ST3GAL1: variants seen among roughly 807,000 people sequenced by gnomAD.
The protein encoded by ST3GAL1 is ST3 beta-galactoside alpha-2,3-sialyltransferase 1.
In ST3GAL1, 16 loss-of-function variants were observed where a neutral mutation model predicts 34.1. The observed-to-expected ratio is 0.47, with a 90% confidence interval of 0.32 to 0.71. ST3GAL1 has a LOEUF of 0.71. Ranked by LOEUF, ST3GAL1 falls within the 30% of genes least tolerant of loss-of-function variation. The pLI is 0.04. For synonymous variants in ST3GAL1, 191 were observed against 184.7 expected (o/e 1.03, Z -0.28); for missense variants, 353 against 447.4 (o/e 0.79, Z 1.90).
chr8:133,469,970 A>G lies in ST3GAL1; in HGVS notation c.307-3880T>C, dbSNP rs897002160. On this transcript the variant is annotated intron_variant, in intron 5 of 9. Transcript: ENST00000522652. The surrounding 1 kb of genome is among the most constrained non-coding windows in gnomAD (Gnocchi z 4.3). ...TCCCAGAGTGAGTGCAGGGCCAGGT[A>G]GAGCTCAGATGGGAAACTGGCTCTT... is the stretch of plus-strand genomic sequence containing the variant. Among the ~76,000 whole-genome samples the G allele has an allele frequency of 3.9e-5, 6 of 152,228 alleles. No individual in the cohort carries two copies. Among genetic ancestry groups the G allele is most frequent in the African/African-American group, 1.4e-4 (6 of 41,454 alleles).
chr8:133,547,024 T>C (rs1818693012), intron 1 of ST3GAL1, among the ~76,000 whole-genome samples: 1 of 108,852 alleles, frequency 9.2e-6, no homozygotes, highest in Non-Finnish European at 1.8e-5. Flanking sequence ...AAAAAAAGAC[T>C]TCATCTGACA....
At chr8:133,471,444 T>C (rs1307021014) in intron 5 of ST3GAL1, among the ~76,000 whole-genome samples, 1 of 152,202 alleles carries the variant, frequency 6.6e-6, no homozygotes, top group Admixed American at 6.5e-5. Flanking sequence ...ATGGTTGCCC[T>C]ATGCAGGACC....
At position 133,499,407 on chromosome 8, in the gene ST3GAL1, C is replaced by T. The variant is rs938496030; in HGVS notation, c.-428-218G>A. The T allele has an allele frequency of 2.0e-5, 3 of 152,184 alleles. No homozygotes were observed. The South Asian group carries it at 6.2e-4, about 32-fold the overall frequency. 9.4% of individuals were successfully genotyped at this position (152,184 alleles called of 1,614,324 possible). Reference sequence around the variant, plus strand: ...CCAGGGGACCTACGTGCAGAAGCTTCCTGTCCCAAACTGCAAACAGAAAGC... The same window carrying T: ...CCAGGGGACCTACGTGCAGAAGCTTTCTGTCCCAAACTGCAAACAGAAAGC... On this transcript the variant is annotated intron_variant, in intron 2 of 9. Coordinates refer to ENST00000522652, the MANE Select transcript of ST3GAL1 (RefSeq NM_173344.3).
At chr8:133,528,440 G>A (rs1471397667) in intron 2 of ST3GAL1, among the ~76,000 whole-genome samples, 1 of 152,238 alleles carries the variant, frequency 6.6e-6, no homozygotes, top group Non-Finnish European at 1.5e-5. Context: ...CTGCAGGACA[G>A]TCTGTGCCCT....
chr8:133,479,221 C>T (rs1816291099), intron 3 of ST3GAL1, among the ~76,000 whole-genome samples: 1 of 152,118 alleles, frequency 6.6e-6, no homozygotes, highest in African/African-American at 2.4e-5. Context: ...GGCTGGGGTG[C>T]ATCGTAAAAG....
rs1298263994 is a variant in ST3GAL1 at position 133,469,059 on chromosome 8, T to A, written c.307-2969A>T. Among the ~76,000 whole-genome samples the A allele has an allele frequency of 6.6e-6, 1 of 152,184 alleles. No individual in the cohort carries two copies. The highest frequency in any genetic ancestry group is 2.4e-5 in the African/African-American group (1 of 41,452). On this transcript the variant is annotated intron_variant, in intron 5 of 9. Coordinates refer to ENST00000522652, the MANE Select transcript of ST3GAL1 (RefSeq NM_173344.3). The surrounding 1 kb of genome is among the most constrained non-coding windows in gnomAD (Gnocchi z 4.3). Reference sequence around the variant, plus strand: ...TGACATTTACTGAGTGTCTACTGGGTGCCACAGAGGCCTGAGAAGCCAGGA... The same window carrying A: ...TGACATTTACTGAGTGTCTACTGGGAGCCACAGAGGCCTGAGAAGCCAGGA...
At chr8:133,540,896 C>CATATATATAGAG in intron 2 of ST3GAL1, among the ~76,000 whole-genome samples, 1 of 81,892 alleles carries the variant, frequency 1.2e-5, no homozygotes, top group South Asian at 3.7e-4. Context: ...TATATATAGA[C>CATATATATAGAG]ATATATATAG....
rs760926738 is a variant in ST3GAL1 at position 133,466,088 on chromosome 8, C to A, written c.309G>T (p.Arg103Ser). The A allele has an allele frequency of 6.2e-7, 1 of 1,610,154 alleles. No individual in the cohort carries two copies. Among genetic ancestry groups the A allele is most frequent in the Non-Finnish European group, 8.5e-7 (1 of 1,177,132 alleles). Residue 103 changes from arginine (R) to serine (S), a missense_variant and splice_region_variant, in exon 6 of 10, where the codon AGG becomes AGT. Transcript: ENST00000522652. The surrounding 1 kb of genome is among the most constrained non-coding windows in gnomAD (Gnocchi z 4.4). The stretch of plus-strand genomic sequence containing the variant: ...TATTGGGCTTCTTCTCCCGCTGGAG[C>A]CTCTGTGGGCGGAGGACAGAAGGTG... ...LEDDTYRWWL[R>S]LQREKKPNNL...
At chr8:133,510,102 A>C (rs935570504) in intron 2 of ST3GAL1, among the ~76,000 whole-genome samples, 7 of 150,570 alleles carry the variant, frequency 4.6e-5, no homozygotes, top group Admixed American at 1.3e-4. Context: ...ATGGCTCTTC[A>C]CACTTCTCTC....
rs148384081 is a variant in ST3GAL1 at position 133,537,920 on chromosome 8, T to C, written c.-429+7854A>G. 5.5e-4 allele frequency among the ~76,000 whole-genome samples: 83 copies of C among 152,090 alleles called. 1 individual carries two copies. Among genetic ancestry groups the C allele is most frequent in the African/African-American group, 1.9e-3 (78 of 41,450 alleles). ...TTCTAGAAGATGGTAATGATGAGAGTTGTGACTGCAAAGCCTCTAGCCAAC... is the reference window on the plus strand; with the variant it reads ...TTCTAGAAGATGGTAATGATGAGAGCTGTGACTGCAAAGCCTCTAGCCAAC... On this transcript the variant is annotated intron_variant, in intron 2 of 9. Transcript: ENST00000522652.
At chr8:133,493,848 G>GGA (rs574590156) in intron 3 of ST3GAL1, among the ~76,000 whole-genome samples, 1 of 132,290 alleles carries the variant, frequency 7.6e-6, no homozygotes, top group Non-Finnish European at 1.6e-5. Context: ...TCTGTATCAG[G>GGA]AAAAAAAAAA....
At chr8:133,548,766 T>C (rs1818743954) in intron 1 of ST3GAL1, among the ~76,000 whole-genome samples, 1 of 152,204 alleles carries the variant, frequency 6.6e-6, no homozygotes, top group Non-Finnish European at 1.5e-5. Context: ...TCAATCCCAC[T>C]GTTGGTTGCT....
chr8:133,523,592 G>A (rs1451986434), intron 2 of ST3GAL1, among the ~76,000 whole-genome samples: 1 of 152,188 alleles, frequency 6.6e-6, no homozygotes, highest in Non-Finnish European at 1.5e-5. Context: ...ATGGCCACTT[G>A]TCCTGCTCTG....
chr8:133,526,913 CTG>C (rs773957011), intron 2 of ST3GAL1, among the ~76,000 whole-genome samples: 1 of 152,180 alleles, frequency 6.6e-6, no homozygotes, highest in East Asian at 1.9e-4. Flanking sequence ...CAGGCAGACA[CTG>C]AGACATATCG....
Position 133,497,455 on chromosome 8 carries a change from A to ATTTTTTTTTTTTTTTTTTTTTTTTTT in ST3GAL1, c.-374+1679_-374+1680insAAAAAAAAAAAAAAAAAAAAAAAAAA, listed in dbSNP as rs1816988627. On this transcript the variant is annotated intron_variant, in intron 3 of 9. Coordinates refer to ENST00000522652, the MANE Select transcript of ST3GAL1 (RefSeq NM_173344.3). ...CTTCTCTCCCATGCAATTTTGTTGG[A>ATTTTTTTTTTTTTTTTTTTTTTTTTT]ATTTTTTTTTTTTTTTTTTTTTTTT... 2.7e-4 allele frequency among the ~76,000 whole-genome samples: 27 copies of ATTTTTTTTTTTTTTTTTTTTTTTTTT among 101,222 alleles called. 13 individuals carry two copies. The highest frequency in any genetic ancestry group is 1.3e-3 in the South Asian group (4 of 3,052). The allele number at this position is 101,222 out of a possible 152,430, so 66.4% of individuals were successfully genotyped here. A position where few individuals can be genotyped will look rare whatever the true frequency, so the allele number is the denominator to read the frequency against.
intron 1 of ST3GAL1, among the ~76,000 whole-genome samples, chr8:133,557,448 T>C (rs1011986488): frequency 6.6e-6 from 1 of 152,140 alleles, no homozygotes; most frequent in Non-Finnish European, 1.5e-5. Context: ...TGAGTGGTAA[T>C]GCAGGCCTTG....
At chr8:133,559,519 G>C (rs1347625182) in intron 1 of ST3GAL1, among the ~76,000 whole-genome samples, 3 of 152,098 alleles carry the variant, frequency 2.0e-5, no homozygotes, top group Non-Finnish European at 2.9e-5. Flanking sequence ...TAAAACATAA[G>C]ATTATGTTTT....
At chr8:133,537,266 T>G (rs1192892149) in intron 2 of ST3GAL1, among the ~76,000 whole-genome samples, 1 of 151,714 alleles carries the variant, frequency 6.6e-6, no homozygotes, top group Non-Finnish European at 1.5e-5. Context: ...GAACCTCCAG[T>G]GCTCAGCTAT....
At chr8:133,565,462 C>A (rs993460897) in intron 1 of ST3GAL1, among the ~76,000 whole-genome samples, 1 of 152,126 alleles carries the variant, frequency 6.6e-6, no homozygotes, top group Non-Finnish European at 1.5e-5. Flanking sequence ...CTTCCCCTAC[C>A]GTGCCACTTC....
Sources: allele counts gnomAD v4.1 joint callset (sites outside exome capture counted in the v4.1 genomes callset), GRCh38; gene constraint gnomAD v4.1.1; non-coding constraint Gnocchi (gnomAD v3.1); transcripts MANE v1.5; gene names NCBI Gene and HGNC (gene_info 2026-07-23, HGNC 2026-07-21).